Variants in CADPS2 observed in about 807,000 individuals in gnomAD.
CADPS2 encodes calcium-dependent secretion activator 2.
In CADPS2, 93 loss-of-function variants were observed where a neutral mutation model predicts 172.5. The observed-to-expected ratio is 0.54, with a 90% CI of 0.46 to 0.64. The LOEUF is 0.64. CADPS2 is among the 30% of genes least tolerant of loss of function. CADPS2 has a pLI of 0.00. For missense variants in CADPS2, 1,420 were observed against 1,565.9 expected (o/e 0.91, Z 1.57); for synonymous variants, 546 against 555.2 (o/e 0.98, Z 0.23).
intron 1 of CADPS2, among the ~76,000 whole-genome samples, chr7:122,877,918 C>T (rs996334285): frequency 6.6e-6 from 1 of 152,098 alleles, no homozygotes; most frequent in African/African-American, 2.4e-5. Context: ...CTTGTTCACA[C>T]GGTGAGTGAG....
intron 15 of CADPS2, among the ~76,000 whole-genome samples, chr7:122,445,232 TA>T: frequency 6.6e-6 from 1 of 152,274 alleles, no homozygotes; most frequent in Non-Finnish European, 1.5e-5. Context: ...GGTTAATTTC[TA>T]AAAAACAATC....
chr7:122,338,351 G>A (rs949727783), intron 28 of CADPS2, among the ~76,000 whole-genome samples: 22 of 152,202 alleles, frequency 1.4e-4, no homozygotes, highest in African/African-American at 3.1e-4. Context: ...CTGAGATTGC[G>A]CCACTGCACT....
intron 7 of CADPS2, among the ~76,000 whole-genome samples, chr7:122,575,178 T>TAA (rs57716923): frequency 0.041 from 5,897 of 145,084 alleles, 163 homozygotes; most frequent in African/African-American, 0.076. Context: ...ATAATAAAAG[T>TAA]AAAAAAAAAA....
intron 8 of CADPS2, among the ~76,000 whole-genome samples, chr7:122,536,933 T>C (rs144955861): frequency 1.8e-4 from 27 of 152,098 alleles, no homozygotes; most frequent in African/African-American, 5.8e-4. Context: ...TATCTGAAAA[T>C]ACCACATGTT....
chr7:122,541,655 C>T (rs992189313), intron 8 of CADPS2, among the ~76,000 whole-genome samples: 2 of 142,372 alleles, frequency 1.4e-5, no homozygotes, highest in African/African-American at 2.6e-5. Flanking sequence ...ATATTCATAT[C>T]TTTATATATT....
chr7:122,664,152 G>A (rs2080928569), intron 2 of CADPS2, among the ~76,000 whole-genome samples: 1 of 151,742 alleles, frequency 6.6e-6, no homozygotes, highest in African/African-American at 2.4e-5. Context: ...GTTCTAGCTG[G>A]TTTTTCAGCA....
chr7:122,619,459 C>CAA lies in CADPS2; in HGVS notation c.1104+2020_1104+2021dup, dbSNP rs113157386. Among the ~76,000 whole-genome samples, 652 of 95,372 alleles carry CAA rather than the reference C, an allele frequency of 6.8e-3. 4 individuals carry two copies. Among genetic ancestry groups the CAA allele is most frequent in the African/African-American group, 0.023 (617 of 27,028 alleles). The allele number at this position is 95,372 out of a possible 152,430, so 62.6% of individuals were successfully genotyped here. A position where few individuals can be genotyped will look rare whatever the true frequency, so the allele number is the denominator to read the frequency against. ...GAAACCCCATCTTTACTAAAAAATA[C>CAA]AAAAAAAAAAAAAAAAATTTAGCCA... On this transcript the variant is annotated intron_variant, in intron 5 of 29. Coordinates refer to ENST00000449022, the MANE Select transcript of CADPS2 (RefSeq NM_017954.11).
At chr7:122,621,824 C>T (rs1021735150) in intron 4 of CADPS2, 107 bp from the exon 5 acceptor site, 1 of 674,894 alleles carries the variant, frequency 1.5e-6, no homozygotes, top group Admixed American at 3.0e-5. Context: ...TTACAACACT[C>T]TCAATATATC....
At chr7:122,329,981 T>G (rs1276190659) in intron 28 of CADPS2, among the ~76,000 whole-genome samples, 1 of 152,238 alleles carries the variant, frequency 6.6e-6, no homozygotes, top group Non-Finnish European at 1.5e-5. Flanking sequence ...TTTAGCTTTT[T>G]ATTGATTATG....
intron 3 of CADPS2, among the ~76,000 whole-genome samples, chr7:122,648,675 T>A (rs955889889): frequency 1.3e-4 from 20 of 152,186 alleles, no homozygotes; most frequent in African/African-American, 4.8e-4. Context: ...CCGACACTTT[T>A]ATCTTGTCCC....
intron 1 of CADPS2, among the ~76,000 whole-genome samples, chr7:122,863,799 G>A (rs991151427): frequency 6.6e-6 from 1 of 152,192 alleles, no homozygotes; most frequent in Non-Finnish European, 1.5e-5. Context: ...AAAGGCTGAG[G>A]CATGCAGATC....
In CADPS2 at chr7:122,682,019, G is replaced by C. The variant is rs114177446; in HGVS notation, c.454-18450C>G. Among the ~76,000 whole-genome samples, 248 of 151,926 alleles carry C rather than the reference G, an allele frequency of 1.6e-3. 2 individuals carry two copies. Among genetic ancestry groups the C allele is most frequent in the African/African-American group, 5.9e-3 (243 of 41,442 alleles). On this transcript the variant is annotated intron_variant, in intron 2 of 29. Coordinates refer to ENST00000449022, the MANE Select transcript of CADPS2 (RefSeq NM_017954.11). ...CTAAAGCTTTTTTCTTCTAATATCA[G>C]CTAATAGCAGATCTTTGAGTCTTTC... is the stretch of plus-strand genomic sequence containing the variant.
chr7:122,687,921 A>G (rs1333053448), intron 2 of CADPS2, among the ~76,000 whole-genome samples: 2 of 152,220 alleles, frequency 1.3e-5, no homozygotes, highest in East Asian at 3.8e-4. Flanking sequence ...TTTTACATTT[A>G]TCTCATTTAA....
intron 29 of CADPS2, among the ~76,000 whole-genome samples, chr7:122,324,686 G>A (rs2033441589): frequency 6.6e-6 from 1 of 152,004 alleles, no homozygotes; most frequent in Non-Finnish European, 1.5e-5. Context: ...TGAAAGTAAA[G>A]GTCTTTTGTT....
At chr7:122,370,780 AG>A (rs906793283) in intron 25 of CADPS2, among the ~76,000 whole-genome samples, 1 of 152,192 alleles carries the variant, frequency 6.6e-6, no homozygotes, top group African/African-American at 2.4e-5. Flanking sequence ...AAAAGGCACA[AG>A]GGTCTGGAAA....
chr7:122,837,906 G>A (rs1233041097), intron 1 of CADPS2, among the ~76,000 whole-genome samples: 1 of 152,070 alleles, frequency 6.6e-6, no homozygotes, highest in African/African-American at 2.4e-5. Flanking sequence ...AGAAAAAGAG[G>A]GAATCCTCCC....
chr7:122,692,126 T>C (rs1860860), intron 2 of CADPS2, among the ~76,000 whole-genome samples: 151,166 of 152,256 alleles, frequency 0.99, 75,049 homozygotes, highest in Non-Finnish European at 1. Flanking sequence ...TGAACTGGAA[T>C]ACTCGGGCAG....
At chr7:122,645,681 A>ATATATATATCTCTCTC (rs796988558) in intron 3 of CADPS2, among the ~76,000 whole-genome samples, 2 of 116,824 alleles carry the variant, frequency 1.7e-5, no homozygotes, top group East Asian at 2.9e-4. Flanking sequence ...ATATATATAT[A>ATATATATATCTCTCTC]TCTTGGGATT....
chr7:122,779,942 T>A (rs1792244633), intron 1 of CADPS2, among the ~76,000 whole-genome samples: 1 of 152,162 alleles, frequency 6.6e-6, no homozygotes, highest in South Asian at 2.1e-4. Flanking sequence ...CTGATGGGCA[T>A]TTCTCTTATT....
Sources: allele counts gnomAD v4.1 joint callset (sites outside exome capture counted in the v4.1 genomes callset), GRCh38; gene constraint gnomAD v4.1.1; transcripts MANE v1.5; gene names NCBI Gene and HGNC (gene_info 2026-07-23, HGNC 2026-07-21).